The following VCL variants were observed in gnomAD, a reference collection of about 807,000 sequenced individuals.
VCL encodes the protein vinculin.
VCL carries 47 observed loss-of-function variants against 125.7 expected under a neutral mutation model. The observed-to-expected ratio is 0.37, with a 90% CI of 0.30 to 0.48. The LOEUF (loss-of-function observed/expected upper bound fraction) is 0.48. Among genes scored for constraint, VCL ranks in the 20% least tolerant of loss-of-function variants. The pLI, the probability that VCL is intolerant of heterozygous loss-of-function variation, is 0.99. For missense variants in VCL, 1,069 were observed against 1,455.5 expected (o/e 0.73, Z 4.32); for synonymous variants, 458 against 514.6 (o/e 0.89, Z 1.49).
intron 1 of VCL, among the ~76,000 whole-genome samples, chr10:74,041,529 C>T (rs919334448): frequency 9.9e-5 from 15 of 152,080 alleles, no homozygotes; most frequent in South Asian, 2.1e-4. Context: ...CTGACCATTA[C>T]TATTTGGAAG....
chr10:74,006,631 G>T lies in VCL; in HGVS notation c.168+8256G>T, dbSNP rs147440773. Among the ~76,000 whole-genome samples, 4 of 152,290 alleles carry T rather than the reference G, an allele frequency of 2.6e-5. No individual in the cohort carries two copies. The East Asian group carries it at 5.8e-4, about 22-fold the overall frequency. On this transcript the variant is annotated intron_variant, in intron 1 of 21. Coordinates refer to ENST00000211998, the MANE Select transcript of VCL (RefSeq NM_014000.3). Reference sequence around the variant, plus strand: ...AAAATCTGACTTTTTGAGTATTGACGTGATGCCACTTGTGGAAAATTCCAC... The same window carrying T: ...AAAATCTGACTTTTTGAGTATTGACTTGATGCCACTTGTGGAAAATTCCAC...
intron 1 of VCL, among the ~76,000 whole-genome samples, chr10:74,020,728 C>A (rs1840644928): frequency 6.7e-6 from 1 of 150,354 alleles, no homozygotes; most frequent in Non-Finnish European, 1.5e-5. Flanking sequence ...GTAGTCCCAG[C>A]TACTCAGGAG....
At chr10:74,103,051 A>G (rs561240544) in intron 14 of VCL, among the ~76,000 whole-genome samples, 1 of 152,214 alleles carries the variant, frequency 6.6e-6, no homozygotes, top group East Asian at 1.9e-4. Context: ...TATTTTTATT[A>G]GAGATGGGGT....
At chr10:74,066,102 C>T (rs1008278055) in intron 2 of VCL, among the ~76,000 whole-genome samples, 11 of 147,896 alleles carry the variant, frequency 7.4e-5, no homozygotes, top group African/African-American at 1.5e-4. Context: ...TTTTGTTGCC[C>T]AGGCTGGAGT....
chr10:74,052,296 CT>C (rs1006371590), intron 2 of VCL, among the ~76,000 whole-genome samples: 28 of 147,000 alleles, frequency 1.9e-4, no homozygotes, highest in African/African-American at 5.3e-4. Flanking sequence ...TCTATAGCTT[CT>C]TTTTTTTTCT....
rs1319230058 is a variant in VCL at position 74,119,431 on chromosome 10, AC to A, written c.*1264del. On this transcript the variant is annotated 3_prime_UTR_variant, in exon 22 of 22. Transcript: ENST00000211998. ...CTCCTGTAATTCCTACCTCCCTGCAACCAACTACAACCAAGCTCTCTGCATC... is the reference window on the plus strand; with the variant it reads ...CTCCTGTAATTCCTACCTCCCTGCAACAACTACAACCAAGCTCTCTGCATC... 1 of 152,238 alleles carries A rather than the reference AC, an allele frequency of 6.6e-6. No individual in the cohort carries two copies. The highest frequency in any genetic ancestry group is 1.5e-5 in the Non-Finnish European group (1 of 68,052). 9.4% of individuals were successfully genotyped at this position (152,238 alleles called of 1,614,324 possible).
rs1228617152 is a variant in VCL at position 74,028,152 on chromosome 10, T to TAC, written c.169-14929_169-14928dup. On this transcript the variant is annotated intron_variant, in intron 1 of 21. Transcript: ENST00000211998. ...GTGCAGTGGTGCAATCATAGCTTAC[T>TAC]ACAGCCTCGATCTTCTCAGCTCAAG... 2.6e-5 allele frequency among the ~76,000 whole-genome samples: 4 copies of TAC among 152,198 alleles called. No homozygotes were observed. In the East Asian group the frequency reaches 7.7e-4, roughly 29 times the overall value.
intron 1 of VCL, among the ~76,000 whole-genome samples, chr10:74,032,056 C>A (rs1342069234): frequency 2.9e-5 from 3 of 103,440 alleles, no homozygotes; most frequent in Non-Finnish European, 5.6e-5. Flanking sequence ...AAGAGCAAAA[C>A]TCCATCTCAA....
chr10:74,010,439 A>G (rs993596130), intron 1 of VCL, among the ~76,000 whole-genome samples: 6 of 152,192 alleles, frequency 3.9e-5, no homozygotes, highest in African/African-American at 1.4e-4. Flanking sequence ...TTCTTGTTAC[A>G]AAATAATGCA....
At chr10:74,059,756 T>C (rs1841449220) in intron 2 of VCL, among the ~76,000 whole-genome samples, 1 of 152,220 alleles carries the variant, frequency 6.6e-6, no homozygotes, top group African/African-American at 2.4e-5. Flanking sequence ...CCTACCAAGG[T>C]TCCTCTTAGG....
intron 1 of VCL, among the ~76,000 whole-genome samples, chr10:74,002,864 A>G (rs891050929): frequency 6.7e-6 from 1 of 150,186 alleles, no homozygotes; most frequent in Non-Finnish European, 1.5e-5. Context: ...CCTGGTGACA[A>G]AGGAAGACTC....
At chr10:73,999,311 C>A (rs1349016844) in intron 1 of VCL, among the ~76,000 whole-genome samples, 4 of 152,208 alleles carry the variant, frequency 2.6e-5, no homozygotes, top group Non-Finnish European at 5.9e-5. Flanking sequence ...CCATCCACAA[C>A]TTTCCTGGTG....
At chr10:74,120,370 AC>A (rs1424217282), downstream of VCL, 1 of 152,254 alleles carries the variant, frequency 6.6e-6, no homozygotes, top group Non-Finnish European at 1.5e-5. Flanking sequence ...GGGATTACAC[AC>A]TTGAAGGAAT....
intron 1 of VCL, among the ~76,000 whole-genome samples, chr10:73,998,783 C>T (rs1270440103): frequency 6.6e-6 from 1 of 152,220 alleles, no homozygotes; most frequent in African/African-American, 2.4e-5. Flanking sequence ...GCCTTTTAGG[C>T]CTCCTCGATC....
intron 10 of VCL, among the ~76,000 whole-genome samples, chr10:74,091,586 G>C (rs1218138875): frequency 1.3e-5 from 2 of 151,724 alleles, no homozygotes; most frequent in Non-Finnish European, 2.9e-5. Flanking sequence ...TTCAAGACCA[G>C]CCTGCCAGCC....
intron 2 of VCL, among the ~76,000 whole-genome samples, chr10:74,046,519 C>T (rs10762574): frequency 3.9e-5 from 6 of 152,030 alleles, no homozygotes; most frequent in East Asian, 1.9e-4. Flanking sequence ...TTGGGAGTAC[C>T]GGCATGAGCC....
chr10:74,053,863 C>T (rs1042174221), intron 2 of VCL, among the ~76,000 whole-genome samples: 2 of 152,030 alleles, frequency 1.3e-5, no homozygotes, highest in Non-Finnish European at 1.5e-5. Flanking sequence ...CACTCACCTC[C>T]ACCTCCCAAA....
chr10:74,042,408 A>T (rs1039934460), intron 1 of VCL, among the ~76,000 whole-genome samples: 1 of 152,194 alleles, frequency 6.6e-6, no homozygotes, highest in Non-Finnish European at 1.5e-5. Flanking sequence ...ATTCCCAGGT[A>T]TGACTTTTTT....
chr10:74,023,249 C>A (rs1257898782), intron 1 of VCL, among the ~76,000 whole-genome samples: 2 of 152,158 alleles, frequency 1.3e-5, no homozygotes, highest in African/African-American at 4.8e-5. Context: ...TGTTTAGATA[C>A]ACCAATACTT....
Sources: allele counts gnomAD v4.1 joint callset (sites outside exome capture counted in the v4.1 genomes callset), GRCh38; gene constraint gnomAD v4.1.1; transcripts MANE v1.5; gene names NCBI Gene and HGNC (gene_info 2026-07-23, HGNC 2026-07-21).